PIGU: variants seen among roughly 807,000 people sequenced by gnomAD.
PIGU encodes phosphatidylinositol glycan anchor biosynthesis class U.
A neutral mutation model predicts 49.9 loss-of-function variants in PIGU; 24 were observed. That is an observed-to-expected ratio of 0.48 (90% CI 0.35 to 0.68). The LOEUF (loss-of-function observed/expected upper bound fraction) is 0.68. PIGU is among the 30% of genes least tolerant of loss of function. PIGU has a pLI of 0.01. For missense variants in PIGU, 490 were observed against 532.6 expected, an observed-to-expected ratio of 0.92 and a Z score of 0.79; for synonymous variants, 220 against 205.7, an observed-to-expected ratio of 1.07 and a Z score of -0.59.
rs75530023 is a variant in PIGU at position 34,637,067 on chromosome 20, G to C, written c.428+809C>G. 3.6e-4 allele frequency among the ~76,000 whole-genome samples: 55 copies of C among 152,278 alleles called. No individual in the cohort carries two copies. The East Asian group carries it at 0.01, about 29-fold the overall frequency. On this transcript the variant is annotated intron_variant, in intron 5 of 11. Transcript: ENST00000217446. ...AACTATTTGGTGGGAAGAAAAAAAA[G>C]CCATTTCTAAATAGCAGGTGACGTT...
At chr20:34,647,565 TTTTTTTGTA>T (rs533247820) in intron 2 of PIGU, among the ~76,000 whole-genome samples, 2,089 of 152,014 alleles carry the variant, frequency 0.014, 32 homozygotes, top group South Asian at 0.039. Flanking sequence ...CGGCCTAATT[TTTTTTTGTA>T]TTTTTTGTAT....
At chr20:34,579,120 T>C (rs537250391) in intron 10 of PIGU, 2 of 152,256 alleles carry the variant, frequency 1.3e-5, no homozygotes, top group South Asian at 4.1e-4. Flanking sequence ...CCAAAACACG[T>C]GGGAATATAT....
Position 34,625,957 on chromosome 20 carries a change from A to AATATAT in PIGU, c.529+8652_529+8657dup, listed in dbSNP as rs143479250. On this transcript the variant is annotated intron_variant, in intron 6 of 11. Coordinates refer to ENST00000217446, the MANE Select transcript of PIGU (RefSeq NM_080476.5). ...TAGATTAAAAAAAATACATATATATAATATATATATATATATACACACATA... is the reference window on the plus strand; with the variant it reads ...TAGATTAAAAAAAATACATATATATAATATATATATATATATATATATACACACATA... Among the ~76,000 whole-genome samples the AATATAT allele has an allele frequency of 2.4e-3, 346 of 145,728 alleles. 2 individuals are homozygous for AATATAT. The highest frequency in any genetic ancestry group is 0.018 in the Middle Eastern group (5 of 276).
At chr20:34,674,973 G>T (rs1009787602) in intron 1 of PIGU, among the ~76,000 whole-genome samples, 2 of 148,832 alleles carry the variant, frequency 1.3e-5, no homozygotes, top group African/African-American at 2.5e-5. Flanking sequence ...AAGAGGCCAG[G>T]CATGGCGGCT....
intron 6 of PIGU, among the ~76,000 whole-genome samples, chr20:34,623,967 C>T (rs1330421298): frequency 6.6e-6 from 1 of 152,156 alleles, no homozygotes; most frequent in African/African-American, 2.4e-5. Context: ...GCCTCAGGAT[C>T]ATCACTCTTC....
At chr20:34,645,855 C>T (rs985302142) in intron 2 of PIGU, among the ~76,000 whole-genome samples, 5 of 151,930 alleles carry the variant, frequency 3.3e-5, no homozygotes, top group Non-Finnish European at 7.4e-5. Context: ...CGAGATCACG[C>T]GACTGCACTC....
intron 8 of PIGU, among the ~76,000 whole-genome samples, chr20:34,586,041 G>A (rs1371124672): frequency 6.6e-6 from 1 of 152,182 alleles, no homozygotes; most frequent in Non-Finnish European, 1.5e-5. Context: ...CCGAGTGCCT[G>A]AGACCGAAGT....
At chr20:34,676,927 T>C in intron 1 of PIGU, 29 bp downstream of exon 1, 1 of 1,558,056 alleles carries the variant, frequency 6.4e-7, no homozygotes, top group South Asian at 1.2e-5. Context: ...AGGTGGGGCC[T>C]GACAGTCTGC....
At chr20:34,574,441 TTTGA>T (rs1295240860) in intron 11 of PIGU, among the ~76,000 whole-genome samples, 5 of 152,140 alleles carry the variant, frequency 3.3e-5, no homozygotes, top group Admixed American at 6.5e-5. Flanking sequence ...CTCTGAGGAT[TTTGA>T]TTGAGAATCC....
intron 7 of PIGU, among the ~76,000 whole-genome samples, chr20:34,600,825 G>A (rs1190976184): frequency 6.6e-6 from 1 of 151,996 alleles, no homozygotes; most frequent in Non-Finnish European, 1.5e-5. Flanking sequence ...ACCTGAGGTT[G>A]GGAGTTCGAG....
chr20:34,586,996 A>G (rs1983722314), intron 8 of PIGU, among the ~76,000 whole-genome samples: 1 of 152,210 alleles, frequency 6.6e-6, no homozygotes. Flanking sequence ...TAACTCCCAC[A>G]AGCTTCGTGT....
chr20:34,567,349 C>T (rs1982816210), intron 11 of PIGU, among the ~76,000 whole-genome samples: 1 of 152,206 alleles, frequency 6.6e-6, no homozygotes, highest in Admixed American at 6.5e-5. Flanking sequence ...CAAGTGAAAT[C>T]TCTGGACCTC....
chr20:34,615,960 G>A (rs556095543), intron 7 of PIGU, 82 bp downstream of exon 7: 77 of 1,497,598 alleles, frequency 5.1e-5, no homozygotes, highest in Middle Eastern at 1.8e-4. Flanking sequence ...TTACTAACCC[G>A]TGCCCTTCCT....
intron 11 of PIGU, among the ~76,000 whole-genome samples, chr20:34,564,247 A>C (rs1982650365): frequency 1.3e-5 from 2 of 152,240 alleles, no homozygotes; most frequent in African/African-American, 4.8e-5. Flanking sequence ...TTTGACAAAC[A>C]CATCACGGTA....
At chr20:34,614,386 A>G (rs1457065465) in intron 7 of PIGU, among the ~76,000 whole-genome samples, 7 of 152,128 alleles carry the variant, frequency 4.6e-5, no homozygotes, top group African/African-American at 1.2e-4. Context: ...GCACTTTGGG[A>G]GACCAAAGTG....
At chr20:34,663,014 C>T (rs2146790560) in intron 1 of PIGU, among the ~76,000 whole-genome samples, 1 of 152,230 alleles carries the variant, frequency 6.6e-6, no homozygotes, top group Admixed American at 6.5e-5. Context: ...CACAAGCGAT[C>T]ATCCCACCTC....
intron 7 of PIGU, among the ~76,000 whole-genome samples, chr20:34,611,849 A>G (rs935155646): frequency 6.6e-6 from 1 of 152,184 alleles, no homozygotes; most frequent in African/African-American, 2.4e-5. Flanking sequence ...CGATCATTAA[A>G]GTCTGGAAAA....
At chr20:34,569,238 A>AT (rs1491113095) in intron 11 of PIGU, among the ~76,000 whole-genome samples, 6 of 152,086 alleles carry the variant, frequency 3.9e-5, no homozygotes, top group Non-Finnish European at 8.8e-5. Context: ...ATTAAAAAAA[A>AT]TTTTTTTGAG....
intron 8 of PIGU, 36 bp from the exon 9 acceptor site, chr20:34,585,616 A>G (rs781163395): frequency 1.0e-5 from 16 of 1,603,652 alleles, no homozygotes; most frequent in Non-Finnish European, 1.4e-5. Flanking sequence ...GAAAAAAGAC[A>G]AAAGTTATAA....
Sources: allele counts gnomAD v4.1 joint callset (sites outside exome capture counted in the v4.1 genomes callset), GRCh38; gene constraint gnomAD v4.1.1; transcripts MANE v1.5; gene names NCBI Gene and HGNC (gene_info 2026-07-23, HGNC 2026-07-21).